Variants in MTFR1 observed in about 807,000 individuals in gnomAD.
MTFR1 encodes the protein chondrocyte protein with a poly-proline region.
In MTFR1, 28 loss-of-function variants were observed where a neutral mutation model predicts 38.8. That is an observed-to-expected ratio of 0.72 (90% CI 0.53 to 0.99). The LOEUF is 0.99. Ranked by LOEUF, MTFR1 falls within the 50% of genes least tolerant of loss-of-function variation. The pLI is 0.00. For missense variants in MTFR1, 358 were observed against 395.5 expected, an observed-to-expected ratio of 0.91 and a Z score of 0.81; for synonymous variants, 145 against 137.0, an observed-to-expected ratio of 1.06 and a Z score of -0.41.
At chr8:65,650,785 A>G (rs922908298) in intron 1 of MTFR1, among the ~76,000 whole-genome samples, 6 of 152,194 alleles carry the variant, frequency 3.9e-5, no homozygotes, top group Non-Finnish European at 8.8e-5. Flanking sequence ...TATTGCTTCA[A>G]TATACTGATT....
intron 2 of MTFR1, among the ~76,000 whole-genome samples, chr8:65,681,062 G>C (rs1191978091): frequency 1.3e-5 from 2 of 151,552 alleles, no homozygotes; most frequent in African/African-American, 4.8e-5. Context: ...ACAGGCGCCC[G>C]CCACCGTGCC....
chr8:65,724,687 T>C (rs1806536384), intron 3 of MTFR1: 6 of 1,140,638 alleles, frequency 5.3e-6, no homozygotes, highest in Non-Finnish European at 6.3e-6. Flanking sequence ...GATTTAACCA[T>C]TCTGAAAAAC....
intron 3 of MTFR1, among the ~76,000 whole-genome samples, chr8:65,742,852 A>G (rs1807504093): frequency 6.6e-6 from 1 of 152,220 alleles, no homozygotes; most frequent in African/African-American, 2.4e-5. Context: ...ATGATCTGGA[A>G]TGAACCCTAA....
At chr8:65,768,833 T>C (rs1425781021) in intron 3 of MTFR1, among the ~76,000 whole-genome samples, 1 of 152,128 alleles carries the variant, frequency 6.6e-6, no homozygotes, top group Non-Finnish European at 1.5e-5. Context: ...GCTAGAATAA[T>C]AGATAATAAA....
intron 3 of MTFR1, among the ~76,000 whole-genome samples, chr8:65,726,695 T>A (rs1806626034): frequency 6.6e-6 from 1 of 152,220 alleles, no homozygotes; most frequent in Non-Finnish European, 1.5e-5. Flanking sequence ...ATTAAAATGT[T>A]ACCGACTATA....
intron 3 of MTFR1, among the ~76,000 whole-genome samples, chr8:65,760,484 G>A (rs1808435511): frequency 6.6e-6 from 1 of 152,150 alleles, no homozygotes; most frequent in Admixed American, 6.5e-5. Flanking sequence ...ACAAGGAATA[G>A]GAGTGCACTT....
intron 3 of MTFR1, among the ~76,000 whole-genome samples, chr8:65,693,119 T>C (rs962616745): frequency 2.0e-5 from 3 of 152,086 alleles, no homozygotes; most frequent in Non-Finnish European, 2.9e-5. Context: ...AATCAACTTA[T>C]AGGCTGGGCA....
chr8:65,654,960 C>T (rs991192080), intron 1 of MTFR1, among the ~76,000 whole-genome samples: 7 of 152,174 alleles, frequency 4.6e-5, no homozygotes, highest in Non-Finnish European at 8.8e-5. Context: ...GATTTTTCAT[C>T]ACTTCCTTGG....
chr8:65,733,494 C>A (rs1806991467), intron 3 of MTFR1, among the ~76,000 whole-genome samples: 1 of 152,076 alleles, frequency 6.6e-6, no homozygotes, highest in African/African-American at 2.4e-5. Context: ...TAGAGTGAGA[C>A]CCTGTCTCTA....
In MTFR1 at chr8:65,678,249, T is replaced by C. The variant is rs1460469012; in HGVS notation, c.67-4104T>C. ...ACTTTTCAGTACCATCTGTTCACTGTTTCTGTACAGCCATTTACAATTTCT... is the reference window on the plus strand; with the variant it reads ...ACTTTTCAGTACCATCTGTTCACTGCTTCTGTACAGCCATTTACAATTTCT... On this transcript the variant is annotated intron_variant, in intron 2 of 7. Transcript: ENST00000262146. 2.6e-5 allele frequency among the ~76,000 whole-genome samples: 4 copies of C among 152,114 alleles called. No homozygotes were observed. The East Asian group carries it at 7.7e-4, about 29-fold the overall frequency.
the MTFR1 span, among the ~76,000 whole-genome samples, chr8:65,777,445 G>C: frequency 6.6e-6 from 1 of 151,982 alleles, no homozygotes; most frequent in Non-Finnish European, 1.5e-5. Flanking sequence ...TTATATTCCT[G>C]GAAAAATACT....
chr8:65,730,167 ACTT>A (rs201329414), intron 3 of MTFR1, among the ~76,000 whole-genome samples: 1 of 29,172 alleles, frequency 3.4e-5, no homozygotes. Flanking sequence ...CAGGTTGCGC[ACTT>A]CTTTTTTTTT....
intron 3 of MTFR1, chr8:65,722,269 A>G (rs149032286): frequency 2.0e-5 from 3 of 152,272 alleles, no homozygotes; most frequent in East Asian, 1.9e-4. Context: ...TCACACTCCT[A>G]AAGTCTGGCC....
At chr8:65,738,843 A>G (rs1174445953) in intron 3 of MTFR1, among the ~76,000 whole-genome samples, 1 of 152,262 alleles carries the variant, frequency 6.6e-6, no homozygotes, top group Non-Finnish European at 1.5e-5. Flanking sequence ...AAAATTTAGA[A>G]AAGTACAGAA....
intron 2 of MTFR1, among the ~76,000 whole-genome samples, chr8:65,678,725 A>G (rs1014243096): frequency 1.3e-5 from 2 of 152,084 alleles, no homozygotes; most frequent in Admixed American, 1.3e-4. Flanking sequence ...ACATCGTGAA[A>G]CCCCGTCTCT....
Position 65,709,387 on chromosome 8 carries a change from A to T in MTFR1, c.*343A>T, listed in dbSNP as rs1280180975. On this transcript the variant is annotated 3_prime_UTR_variant, in exon 8 of 8. Coordinates refer to ENST00000262146, the MANE Select transcript of MTFR1 (RefSeq NM_014637.4). ...CATTTTAAATTCTTAACACTAATTT[A>T]TCTGTATAAGTGTTTTATATGCATA... 9.5e-6 allele frequency: 2 copies of T among 210,498 alleles called. No individual in the cohort carries two copies. Among genetic ancestry groups the T allele is most frequent in the East Asian group, 2.0e-4 (2 of 9,922 alleles). The allele number at this position is 210,498 out of a possible 1,614,324, so 13.0% of individuals were successfully genotyped here.
At chr8:65,724,354 AGC>A in intron 3 of MTFR1, 5 of 1,604,260 alleles carry the variant, frequency 3.1e-6, no homozygotes, top group Non-Finnish European at 4.3e-6. Context: ...AAAGCCATCT[AGC>A]AAACAAAACA....
chr8:65,709,068 TC>T lies in MTFR1; in HGVS notation c.*26del. On this transcript the variant is annotated 3_prime_UTR_variant, in exon 8 of 8. Transcript: ENST00000262146. The stretch of plus-strand genomic sequence containing the variant: ...AATAGACAATGAGCTGCGAAAAGAC[TC>T]CTGGTTCCCCTGTTGATTTGTGAGG... The T allele has an allele frequency of 6.2e-7, 1 of 1,610,886 alleles. No individual in the cohort carries two copies. Among genetic ancestry groups the T allele is most frequent in the Non-Finnish European group, 8.5e-7 (1 of 1,177,162 alleles).
intron 1 of MTFR1, among the ~76,000 whole-genome samples, chr8:65,669,638 G>A (rs1161642472): frequency 1.3e-5 from 2 of 151,348 alleles, no homozygotes; most frequent in South Asian, 2.1e-4. Context: ...CGCAACCTCC[G>A]CCTCCTGGGT....
Sources: allele counts gnomAD v4.1 joint callset (sites outside exome capture counted in the v4.1 genomes callset), GRCh38; gene constraint gnomAD v4.1.1; transcripts MANE v1.5; gene names NCBI Gene and HGNC (gene_info 2026-07-23, HGNC 2026-07-21).